ANKRD29: variants seen among roughly 807,000 people sequenced by gnomAD.
The protein encoded by ANKRD29 is ankyrin repeat domain-containing protein 29.
ANKRD29 carries 32 observed loss-of-function variants against 38.0 expected under a neutral mutation model. That is an observed-to-expected ratio of 0.84 (90% CI 0.64 to 1.13). The LOEUF is 1.13. ANKRD29 is among the 50% of genes most tolerant of loss of function. The pLI, the probability that ANKRD29 is intolerant of heterozygous loss-of-function variation, is 0.00. For synonymous variants in ANKRD29, 135 were observed against 152.4 expected (o/e 0.89, Z 0.84); for missense variants, 357 against 377.9 (o/e 0.94, Z 0.46).
intron 1 of ANKRD29, among the ~76,000 whole-genome samples, chr18:23,656,276 G>T (rs2060282827): frequency 6.6e-6 from 1 of 151,968 alleles, no homozygotes; most frequent in African/African-American, 2.4e-5. Flanking sequence ...ATGTAGCTCA[G>T]ATGCAAGCAG....
intron 6 of ANKRD29, among the ~76,000 whole-genome samples, chr18:23,626,822 C>T (rs1241276821): frequency 6.6e-6 from 1 of 152,250 alleles, no homozygotes; most frequent in African/African-American, 2.4e-5. Context: ...GTAACTTTGT[C>T]AACATCCTGT....
At chr18:23,639,023 C>T in intron 3 of ANKRD29, 76 bp from the exon 4 acceptor site, 1 of 1,137,716 alleles carries the variant, frequency 8.8e-7, no homozygotes, top group Non-Finnish European at 1.3e-6. Flanking sequence ...GCAAAGAAAA[C>T]AAAACAATAT....
At chr18:23,602,186 G>A (rs1209716711) in intron 9 of ANKRD29, among the ~76,000 whole-genome samples, 1 of 151,942 alleles carries the variant, frequency 6.6e-6, no homozygotes, top group Non-Finnish European at 1.5e-5. Context: ...ACAGGCATGT[G>A]CCACCATGCT....
chr18:23,650,419 C>T (rs976202519), intron 1 of ANKRD29, among the ~76,000 whole-genome samples: 1 of 152,248 alleles, frequency 6.6e-6, no homozygotes, highest in Non-Finnish European at 1.5e-5. Context: ...GCTGGGATTA[C>T]AGGCGTGAGC....
At position 23,646,172 on chromosome 18, in the gene ANKRD29, T is replaced by C. The variant is rs202118163; in HGVS notation, c.231+17A>G. On this transcript the variant is annotated intron_variant, in intron 3 of 9. Coordinates refer to ENST00000592179, the MANE Select transcript of ANKRD29 (RefSeq NM_173505.4). ...CTGAGCCTGGTCATTTTTCTTCAAGTGCAAAGCCTGACCTACCTCTCTCTG... is the reference window on the plus strand; with the variant it reads ...CTGAGCCTGGTCATTTTTCTTCAAGCGCAAAGCCTGACCTACCTCTCTCTG... 3.1e-6 allele frequency: 5 copies of C among 1,612,946 alleles called. No individual in the cohort carries two copies. The highest frequency in any genetic ancestry group is 1.3e-5 in the African/African-American group (1 of 75,018).
chr18:23,620,956 C>G (rs548739460), intron 6 of ANKRD29, among the ~76,000 whole-genome samples: 59 of 152,266 alleles, frequency 3.9e-4, no homozygotes, highest in African/African-American at 1.4e-3. Flanking sequence ...GCCAGGCCAG[C>G]AGAGAATGGC....
Position 23,600,377 on chromosome 18 carries a change from C to G in ANKRD29, c.*849G>C, listed in dbSNP as rs993560252. 6.6e-6 allele frequency: 1 copy of G among 152,182 alleles called. No homozygotes were observed. Among genetic ancestry groups the G allele is most frequent in the Non-Finnish European group, 1.5e-5 (1 of 68,034 alleles). 9.4% of individuals were successfully genotyped at this position (152,182 alleles called of 1,614,324 possible). On this transcript the variant is annotated 3_prime_UTR_variant, in exon 10 of 10. Coordinates refer to ENST00000592179, the MANE Select transcript of ANKRD29 (RefSeq NM_173505.4). ...GTGTTGGAAACTCAAGATTCCACAG[C>G]ATGTTAGGTATACTTACTTATAGAA...
Position 23,662,786 on chromosome 18 carries a change from TC to T in ANKRD29, c.-57del. 1 of 1,403,994 alleles carries T rather than the reference TC, an allele frequency of 7.1e-7. No individual in the cohort carries two copies. The highest frequency in any genetic ancestry group is 9.3e-7 in the Non-Finnish European group (1 of 1,077,382). The allele number at this position is 1,403,994 out of a possible 1,614,324, so 87.0% of individuals were successfully genotyped here. On this transcript the variant is annotated 5_prime_UTR_variant, in exon 1 of 10. Coordinates refer to ENST00000592179, the MANE Select transcript of ANKRD29 (RefSeq NM_173505.4). ...GCTTTGGGCCCGGGGCGCCTTGTCC[TC>T]CCCGGCCCTTCACTCTCCCGGGGCT...
Position 23,617,789 on chromosome 18 carries a change from C to G in ANKRD29, c.666G>C (p.Gly222=), listed in dbSNP as rs923601583. Residue 222 remains glycine (G), a synonymous_variant, in exon 8 of 10, where the codon GGG becomes GGC. Coordinates refer to ENST00000592179, the MANE Select transcript of ANKRD29 (RefSeq NM_173505.4). ...TTALLKAANK[G]YNDVIKELLK... Reference sequence around the variant, plus strand: ...GCAACTCTTTTATGACATCATTATACCCTTTGTTGGCTGCTTTCAATAATG... The same window carrying G: ...GCAACTCTTTTATGACATCATTATAGCCTTTGTTGGCTGCTTTCAATAATG... 6.2e-7 allele frequency: 1 copy of G among 1,614,086 alleles called. No individual in the cohort carries two copies. The highest frequency in any genetic ancestry group is 1.7e-5 in the Admixed American group (1 of 60,020).
chr18:23,652,135 T>C (rs545054930), intron 1 of ANKRD29, among the ~76,000 whole-genome samples: 64 of 152,184 alleles, frequency 4.2e-4, no homozygotes, highest in Middle Eastern at 3.4e-3. Context: ...AGCAAAGAAA[T>C]GGGCAGGTGC....
chr18:23,625,664 T>A (rs2059853682), intron 6 of ANKRD29, among the ~76,000 whole-genome samples: 1 of 151,864 alleles, frequency 6.6e-6, no homozygotes, highest in Non-Finnish European at 1.5e-5. Flanking sequence ...GCATTAAGAG[T>A]TTTGCAGGGA....
chr18:23,623,450 T>C (rs1055974876), intron 6 of ANKRD29, among the ~76,000 whole-genome samples: 15 of 152,116 alleles, frequency 9.9e-5, no homozygotes, highest in Non-Finnish European at 1.6e-4. Flanking sequence ...CTGTTTTCTC[T>C]TATTTTTTCC....
At chr18:23,662,024 G>GAAA (rs369229716) in intron 1 of ANKRD29, among the ~76,000 whole-genome samples, 1 of 99,130 alleles carries the variant, frequency 1.0e-5, no homozygotes, top group Non-Finnish European at 2.1e-5. Context: ...TTTCTCATTT[G>GAAA]AAAAAAAAAA....
At position 23,616,792 on chromosome 18, in the gene ANKRD29, TATA is replaced by T. The variant is rs886873252; in HGVS notation, c.723+937_723+939del. ...ACTATTAATATAATAAATAATATAATATAATAAAATTAATATAATCAATAATAT... is the reference window on the plus strand; with the variant it reads ...ACTATTAATATAATAAATAATATAATATAAAATTAATATAATCAATAATAT... On this transcript the variant is annotated intron_variant, in intron 8 of 9. Transcript: ENST00000592179. Among the ~76,000 whole-genome samples, 143 of 147,140 alleles carry T rather than the reference TATA, an allele frequency of 9.7e-4. 1 individual carries two copies. Among genetic ancestry groups the T allele is most frequent in the Admixed American group, 3.1e-3 (45 of 14,616 alleles).
At chr18:23,636,073 T>C (rs2059999003) in intron 4 of ANKRD29, among the ~76,000 whole-genome samples, 1 of 152,232 alleles carries the variant, frequency 6.6e-6, no homozygotes, top group African/African-American at 2.4e-5. Flanking sequence ...TAAATTTTCC[T>C]GCCTAATAAA....
At chr18:23,651,791 C>G (rs1325090494) in intron 1 of ANKRD29, among the ~76,000 whole-genome samples, 1 of 152,184 alleles carries the variant, frequency 6.6e-6, no homozygotes, top group African/African-American at 2.4e-5. Context: ...TTCTAGAAAC[C>G]AAGCTTTGTG....
At chr18:23,614,018 C>T (rs1195847149) in intron 8 of ANKRD29, among the ~76,000 whole-genome samples, 1 of 152,128 alleles carries the variant, frequency 6.6e-6, no homozygotes, top group African/African-American at 2.4e-5. Flanking sequence ...AAGCGTGAGC[C>T]AGTGTGCCCG....
intron 3 of ANKRD29, among the ~76,000 whole-genome samples, chr18:23,645,125 A>G (rs543078368): frequency 6.6e-6 from 1 of 152,232 alleles, no homozygotes; most frequent in South Asian, 2.1e-4. Context: ...CAAGTGGTTC[A>G]GTCTGGACTT....
chr18:23,662,577 G>A, intron 1 of ANKRD29, 133 bp downstream of exon 1: 1 of 877,188 alleles, frequency 1.1e-6, no homozygotes. Flanking sequence ...GCAGCTGGAG[G>A]AGAGAGGAAG....
Sources: gnomAD v4.1 joint callset for allele counts (sites outside exome capture counted in the v4.1 genomes callset) on GRCh38, gnomAD v4.1.1 for gene constraint, MANE v1.5 for transcripts, NCBI Gene and HGNC (gene_info 2026-07-23, HGNC 2026-07-21) for gene names.